Variants in DMD observed in about 807,000 individuals in gnomAD.
The protein encoded by DMD is dystrophin, also known as mutant dystrophin.
In DMD, 63 loss-of-function variants were observed where a neutral mutation model predicts 330.1. The observed-to-expected ratio is 0.19, with a 90% CI of 0.16 to 0.24. The LOEUF (loss-of-function observed/expected upper bound fraction) is 0.24, where lower values mean the gene tolerates loss of function less well. Among genes scored for constraint, DMD ranks in the 10% least tolerant of loss-of-function variants. The pLI, the probability that DMD is intolerant of heterozygous loss-of-function variation, is 1.00. For synonymous variants in DMD, 1,223 were observed against 959.8 expected (o/e 1.27, Z -5.07); for missense variants, 3,344 against 2,684.1 (o/e 1.25, Z -5.43).
chrX:32,960,237 C>A (rs1264776175), intron 2 of DMD: 2 of 111,330 alleles, frequency 1.8e-5, no homozygotes, highest in Non-Finnish European at 3.8e-5. Context: ...AATGTGTCTT[C>A]TTTACTTGAA....
At chrX:32,084,690 T>C (rs5972488) in intron 44 of DMD, among the ~76,000 whole-genome samples, 32,864 of 110,595 alleles carry the variant, frequency 0.3, 4,142 homozygotes, top group African/African-American at 0.47. Flanking sequence ...ACTTAGTAGC[T>C]CAGTTGCCAA....
At chrX:32,726,531 G>A (rs748617438) in intron 7 of DMD, among the ~76,000 whole-genome samples, 1 of 111,146 alleles carries the variant, frequency 9.0e-6, no homozygotes, top group South Asian at 3.8e-4. Flanking sequence ...CTCCTGGAAA[G>A]GGTAGCTTTT....
At chrX:32,918,288 G>T (rs1440584114) in intron 2 of DMD, among the ~76,000 whole-genome samples, 2 of 111,600 alleles carry the variant, frequency 1.8e-5, no homozygotes, top group African/African-American at 6.5e-5. Context: ...AGATAAAACT[G>T]ACTCCTGAAA....
At chrX:32,081,159 T>C (rs933164256) in intron 44 of DMD, among the ~76,000 whole-genome samples, 11 of 112,194 alleles carry the variant, frequency 9.8e-5, no homozygotes, top group African/African-American at 3.2e-4. Context: ...TCTGCCTTTC[T>C]GGTTATGGTG....
At chrX:33,068,875 A>G (rs1411359792) in intron 1 of DMD, among the ~76,000 whole-genome samples, 2 of 112,324 alleles carry the variant, frequency 1.8e-5, no homozygotes, top group African/African-American at 3.2e-5. Context: ...GCAAAGTACC[A>G]TCTTGATCAG....
chrX:32,081,604 C>T (rs1056736158), intron 44 of DMD, among the ~76,000 whole-genome samples: 1 of 111,596 alleles, frequency 9.0e-6, no homozygotes, highest in Non-Finnish European at 1.9e-5. Flanking sequence ...CCTGTAATCC[C>T]AGCACTTTGG....
intron 19 of DMD, among the ~76,000 whole-genome samples, chrX:32,497,720 T>C (rs1395320747): frequency 9.0e-6 from 1 of 111,618 alleles, no homozygotes; most frequent in African/African-American, 3.2e-5. Flanking sequence ...AAGGATTACG[T>C]CTAATCCTAA....
At chrX:31,126,830 A>C in intron 77 of DMD, 157 bp from the exon 78 acceptor site, 1 of 472,906 alleles carries the variant, frequency 2.1e-6, no homozygotes, top group Non-Finnish European at 3.7e-6. Flanking sequence ...AAAAACAGAA[A>C]CAAAAAACCC....
chrX:31,172,453 G>A (rs765228597), intron 72 of DMD, 40 bp from the exon 73 acceptor site: 3 of 1,005,999 alleles, frequency 3.0e-6, no homozygotes, highest in African/African-American at 1.9e-5. Context: ...CTTATGTGAC[G>A]TCTTAGAATC....
chrX:32,008,189 A>G (rs896070706), intron 44 of DMD, among the ~76,000 whole-genome samples: 3 of 111,008 alleles, frequency 2.7e-5, no homozygotes, highest in Non-Finnish European at 5.7e-5. Flanking sequence ...TGCTCTCCTC[A>G]AAAGCTTTCC....
At chrX:31,217,410 C>T (rs767821883) in intron 64 of DMD, among the ~76,000 whole-genome samples, 8 of 111,114 alleles carry the variant, frequency 7.2e-5, no homozygotes, top group Admixed American at 9.6e-5. Context: ...TTCTGCAATA[C>T]GGAAACATTG....
chrX:31,574,142 T>G (rs1012522944), intron 55 of DMD, among the ~76,000 whole-genome samples: 12 of 96,252 alleles, frequency 1.2e-4, no homozygotes, highest in Non-Finnish European at 2.1e-4. Context: ...TTGTTTTTTT[T>G]TTTGTTTTTT....
At chrX:33,319,241 C>T (rs751404930) in intron 1 of DMD, among the ~76,000 whole-genome samples, 29 of 110,903 alleles carry the variant, frequency 2.6e-4, no homozygotes, top group African/African-American at 9.5e-4. Flanking sequence ...TTAGTTTACG[C>T]CACCCAGTTT....
At chrX:31,312,535 G>A (rs2055605606) in intron 62 of DMD, among the ~76,000 whole-genome samples, 1 of 112,429 alleles carries the variant, frequency 8.9e-6, no homozygotes, top group African/African-American at 3.2e-5. Flanking sequence ...CAACCATTGT[G>A]GAAAACAGTA....
intron 43 of DMD, among the ~76,000 whole-genome samples, chrX:32,261,285 C>G (rs2097322442): frequency 8.9e-6 from 1 of 111,776 alleles, no homozygotes; most frequent in African/African-American, 3.3e-5. Flanking sequence ...AAGGTTAACT[C>G]TTTCAAAAGA....
intron 54 of DMD, among the ~76,000 whole-genome samples, chrX:31,645,589 C>T (rs778854271): frequency 8.9e-6 from 1 of 112,492 alleles, no homozygotes; most frequent in Non-Finnish European, 1.9e-5. Context: ...ATTCAGGTAA[C>T]TCACGGTGAG....
At chrX:31,432,304 TAGAAA>T (rs2064148911) in intron 60 of DMD, among the ~76,000 whole-genome samples, 1 of 111,746 alleles carries the variant, frequency 8.9e-6, no homozygotes, top group Non-Finnish European at 1.9e-5. Flanking sequence ...CAATAGATTA[TAGAAA>T]AGAAGAGAGT....
chrX:31,529,979 C>T (rs563444460), intron 55 of DMD, among the ~76,000 whole-genome samples: 5 of 110,952 alleles, frequency 4.5e-5, no homozygotes, highest in Non-Finnish European at 5.7e-5. Flanking sequence ...TAGCAAATGA[C>T]GATTAAAGTT....
chrX:32,783,443 A>T (rs1001532799), intron 7 of DMD, among the ~76,000 whole-genome samples: 12 of 107,714 alleles, frequency 1.1e-4, no homozygotes, highest in African/African-American at 3.7e-4. Flanking sequence ...AAAAAAATAA[A>T]TTGTTTCCCA....
Sources: gnomAD v4.1 joint callset for allele counts (sites outside exome capture counted in the v4.1 genomes callset) on GRCh38, gnomAD v4.1.1 for gene constraint, MANE v1.5 for transcripts, NCBI Gene and HGNC (gene_info 2026-07-23, HGNC 2026-07-21) for gene names.